Variants in KIAA1328 observed in about 807,000 individuals in gnomAD.
The protein encoded by KIAA1328 is protein hinderin.
KIAA1328 carries 52 observed loss-of-function variants against 68.1 expected under a neutral mutation model. That is an observed-to-expected ratio of 0.76 (90% CI 0.61 to 0.96). KIAA1328 has a LOEUF of 0.96. Among genes scored for constraint, KIAA1328 ranks in the 40% least tolerant of loss-of-function variants. The probability of loss-of-function intolerance (pLI) is 0.00; values close to 1 mark genes in which losing one functional copy is unlikely to be tolerated. For missense variants in KIAA1328, 641 were observed against 677.6 expected, an observed-to-expected ratio of 0.95 and a Z score of 0.60; for synonymous variants, 232 against 239.4, an observed-to-expected ratio of 0.97 and a Z score of 0.28.
chr18:37,009,838 G>T (rs750225581), intron 6 of KIAA1328, among the ~76,000 whole-genome samples: 2 of 152,126 alleles, frequency 1.3e-5, no homozygotes, highest in Non-Finnish European at 2.9e-5. Flanking sequence ...TACTTCCAGA[G>T]ACTTCATTAC....
chr18:37,162,469 T>G (rs1258130273), intron 8 of KIAA1328, among the ~76,000 whole-genome samples: 3 of 152,182 alleles, frequency 2.0e-5, no homozygotes, highest in African/African-American at 7.2e-5. Context: ...GTTGCCCCTT[T>G]GAGCCATTCT....
At chr18:36,843,192 C>T (rs1445101224) in intron 3 of KIAA1328, among the ~76,000 whole-genome samples, 2 of 152,102 alleles carry the variant, frequency 1.3e-5, no homozygotes, top group African/African-American at 4.8e-5. Flanking sequence ...CCTGCCTAGA[C>T]GTTTGCACAT....
intron 7 of KIAA1328, among the ~76,000 whole-genome samples, chr18:37,082,782 A>G (rs1226280970): frequency 6.6e-6 from 1 of 152,194 alleles, no homozygotes; most frequent in East Asian, 1.9e-4. Flanking sequence ...CAGACTGATC[A>G]GAGAAGATTT....
At chr18:37,210,151 T>G (rs2060289575) in intron 9 of KIAA1328, among the ~76,000 whole-genome samples, 1 of 152,188 alleles carries the variant, frequency 6.6e-6, no homozygotes, top group South Asian at 2.1e-4. Context: ...ATCAGTTTGT[T>G]TCTAGGCCAT....
intron 6 of KIAA1328, among the ~76,000 whole-genome samples, chr18:37,005,503 G>T (rs185992631): frequency 6.6e-6 from 1 of 151,812 alleles, no homozygotes. Flanking sequence ...ACTGTTGGTG[G>T]GAGTGTAAAG....
At chr18:37,143,343 A>G (rs1227163833) in intron 7 of KIAA1328, among the ~76,000 whole-genome samples, 1 of 152,186 alleles carries the variant, frequency 6.6e-6, no homozygotes, top group African/African-American at 2.4e-5. Flanking sequence ...TTAATGATAT[A>G]GAAAGACTAT....
At chr18:36,927,838 A>C (rs973604815) in intron 5 of KIAA1328, among the ~76,000 whole-genome samples, 1 of 151,870 alleles carries the variant, frequency 6.6e-6, no homozygotes, top group Admixed American at 6.6e-5. Flanking sequence ...GAAAGGAAAG[A>C]AGGAAGGGAG....
At chr18:37,102,204 G>T (rs540343277) in intron 7 of KIAA1328, among the ~76,000 whole-genome samples, 1 of 152,206 alleles carries the variant, frequency 6.6e-6, no homozygotes, top group African/African-American at 2.4e-5. Flanking sequence ...TTCAACATAT[G>T]CAATTCACTA....
chr18:37,173,118 C>T (rs948552034), intron 9 of KIAA1328, 37 bp downstream of exon 9: 59 of 1,411,256 alleles, frequency 4.2e-5, no homozygotes, highest in Non-Finnish European at 5.8e-5. Context: ...TAATATTCTC[C>T]CTATGAGAGC....
chr18:36,902,354 G>A (rs1462523849), intron 5 of KIAA1328: 3 of 151,914 alleles, frequency 2.0e-5, no homozygotes, highest in Admixed American at 1.3e-4. Context: ...TCCCTTTACA[G>A]ATTTCTTCTT....
Position 36,928,655 on chromosome 18 carries a change from G to A in KIAA1328, c.449-30653G>A, listed in dbSNP as rs549857829. 5.3e-5 allele frequency among the ~76,000 whole-genome samples: 8 copies of A among 152,188 alleles called. 1 individual carries two copies. The highest frequency in any genetic ancestry group is 1.7e-4 in the African/African-American group (7 of 41,538). ...CTTTGGTTTTCAGCAATCTAACTAT[G>A]GTATGTATAGGGGTGAGAGAGAGAG... On this transcript the variant is annotated intron_variant, in intron 5 of 9. Coordinates refer to ENST00000280020, the MANE Select transcript of KIAA1328 (RefSeq NM_020776.3).
intron 4 of KIAA1328, among the ~76,000 whole-genome samples, chr18:36,873,726 A>G (rs2048024357): frequency 6.6e-6 from 1 of 152,182 alleles, no homozygotes; most frequent in African/African-American, 2.4e-5. Flanking sequence ...TCTGGGATAC[A>G]TGTGCAGAAC....
intron 5 of KIAA1328, among the ~76,000 whole-genome samples, chr18:36,958,286 T>C (rs1286313608): frequency 1.3e-5 from 2 of 152,214 alleles, no homozygotes; most frequent in East Asian, 1.9e-4. Flanking sequence ...TGTGTACATA[T>C]GTTTTTTAAA....
chr18:36,883,952 G>GTGTATATATATATATA (rs1556808300), intron 4 of KIAA1328, among the ~76,000 whole-genome samples: 1 of 120,804 alleles, frequency 8.3e-6, no homozygotes, highest in Admixed American at 8.2e-5. Context: ...TATTTATAAA[G>GTGTATATATATATATA]TATATATATA....
intron 6 of KIAA1328, among the ~76,000 whole-genome samples, chr18:36,975,394 G>A (rs182601725): frequency 1.7e-3 from 251 of 152,002 alleles, no homozygotes; most frequent in Non-Finnish European, 2.8e-3. Flanking sequence ...GTTTTAGCTG[G>A]GATGGTCTCG....
intron 9 of KIAA1328, among the ~76,000 whole-genome samples, chr18:37,180,981 G>A (rs369168460): frequency 6.6e-6 from 1 of 151,998 alleles, no homozygotes; most frequent in Admixed American, 6.6e-5. Context: ...ACATATTATT[G>A]TCAAGATTTT....
At chr18:37,225,855 C>T (rs921815846), downstream of KIAA1328, among the ~76,000 whole-genome samples, 4 of 152,106 alleles carry the variant, frequency 2.6e-5, no homozygotes, top group South Asian at 2.1e-4. Flanking sequence ...ACGGAGACTT[C>T]GCACCTGCCC....
intron 5 of KIAA1328, among the ~76,000 whole-genome samples, chr18:36,931,111 A>G (rs770088974): frequency 6.6e-5 from 10 of 152,192 alleles, no homozygotes; most frequent in Non-Finnish European, 1.2e-4. Flanking sequence ...GCTTTTACTC[A>G]GCATCAATCC....
intron 9 of KIAA1328, among the ~76,000 whole-genome samples, chr18:37,179,799 C>T (rs2059663817): frequency 6.6e-6 from 1 of 152,038 alleles, no homozygotes; most frequent in Non-Finnish European, 1.5e-5. Flanking sequence ...CTTTAAAGTA[C>T]CAGAACAACT....
Sources: gnomAD v4.1 joint callset for allele counts (sites outside exome capture counted in the v4.1 genomes callset) on GRCh38, gnomAD v4.1.1 for gene constraint, MANE v1.5 for transcripts, NCBI Gene and HGNC (gene_info 2026-07-23, HGNC 2026-07-21) for gene names.